MAGI2: variants seen among roughly 807,000 people sequenced by gnomAD.
MAGI2 encodes membrane associated guanylate kinase, WW and PDZ domain containing 2, also known as membrane-associated guanylate kinase, WW and PDZ domain-containing protein 2.
Under a neutral mutation model 133.3 loss-of-function variants are expected in MAGI2, and 35 were observed. The ratio of observed to expected loss-of-function variants is 0.26; its 90% confidence interval spans 0.20 to 0.35. MAGI2 has a LOEUF of 0.35. Among genes scored for constraint, MAGI2 ranks in the 10% least tolerant of loss-of-function variants. MAGI2 has a pLI of 1.00. For synonymous variants in MAGI2, 729 were observed against 710.6 expected (o/e 1.03, Z -0.41); for missense variants, 1,636 against 1,863.4 (o/e 0.88, Z 2.25).
intron 1 of MAGI2, among the ~76,000 whole-genome samples, chr7:79,356,230 G>A (rs1020341113): frequency 1.3e-5 from 2 of 152,060 alleles, no homozygotes; most frequent in African/African-American, 4.8e-5. Context: ...ATGTATTATA[G>A]AGCCAGAACT....
chr7:79,110,231 T>A (rs777427114), intron 1 of MAGI2, among the ~76,000 whole-genome samples: 2 of 151,818 alleles, frequency 1.3e-5, no homozygotes, highest in Non-Finnish European at 2.9e-5. Context: ...TAAGGCAGTG[T>A]GAAAGGAAAA....
At chr7:78,950,442 T>A (rs995412858) in intron 2 of MAGI2, among the ~76,000 whole-genome samples, 2 of 152,224 alleles carry the variant, frequency 1.3e-5, no homozygotes, top group Non-Finnish European at 2.9e-5. Context: ...TGATGTTCTT[T>A]GAAAACTCTC....
At chr7:78,116,328 A>G (rs1819864263) in intron 20 of MAGI2, among the ~76,000 whole-genome samples, 1 of 150,482 alleles carries the variant, frequency 6.6e-6, no homozygotes, top group Non-Finnish European at 1.5e-5. Flanking sequence ...AAGAAAGCCT[A>G]AGAACTACTA....
At chr7:79,013,910 T>G (rs1808429271) in intron 1 of MAGI2, among the ~76,000 whole-genome samples, 1 of 152,200 alleles carries the variant, frequency 6.6e-6, no homozygotes, top group Admixed American at 6.5e-5. Flanking sequence ...AGCTGAAAAT[T>G]TTTACTTACA....
intron 2 of MAGI2, among the ~76,000 whole-genome samples, chr7:78,866,239 T>A (rs889470635): frequency 1.1e-4 from 16 of 152,176 alleles, no homozygotes; most frequent in African/African-American, 3.9e-4. Flanking sequence ...TTGATTGATA[T>A]ACCATTGTGT....
intron 2 of MAGI2, among the ~76,000 whole-genome samples, chr7:78,762,515 A>T (rs754029502): frequency 1.3e-5 from 2 of 152,174 alleles, no homozygotes; most frequent in East Asian, 3.8e-4. Flanking sequence ...AGAAATTTTG[A>T]ATCATTTAAT....
chr7:78,075,978 C>A (rs774481533), intron 21 of MAGI2, among the ~76,000 whole-genome samples: 3 of 152,124 alleles, frequency 2.0e-5, no homozygotes, highest in African/African-American at 7.2e-5. Context: ...CTATTAAGTT[C>A]TTTCTTTTGT....
chr7:78,796,057 A>G (rs543738770), intron 2 of MAGI2, among the ~76,000 whole-genome samples: 2 of 152,242 alleles, frequency 1.3e-5, no homozygotes, highest in African/African-American at 4.8e-5. Flanking sequence ...TGGAAATGCT[A>G]CAGGTCATTG....
At position 79,058,215 on chromosome 7, in the gene MAGI2, C is replaced by T. The variant is rs144007503; in HGVS notation, c.302-51009G>A. Among the ~76,000 whole-genome samples, 257 of 152,086 alleles carry T rather than the reference C, an allele frequency of 1.7e-3. 2 individuals are homozygous for T. The East Asian group carries it at 0.019, about 11-fold the overall frequency. The stretch of plus-strand genomic sequence containing the variant: ...TTATTTTGTAGATTAGACATTGACT[C>T]CCATTAGTTCAATTTTTTTCTATGC... On this transcript the variant is annotated intron_variant, in intron 1 of 21. Transcript: ENST00000354212.
chr7:79,261,253 G>C (rs111439582), intron 1 of MAGI2, among the ~76,000 whole-genome samples: 5,344 of 152,206 alleles, frequency 0.035, 151 homozygotes, highest in Non-Finnish European at 0.05. Flanking sequence ...TTCTTCATTC[G>C]TTGTGGTTCA....
chr7:78,537,195 AC>A (rs1798031477), intron 3 of MAGI2, among the ~76,000 whole-genome samples: 1 of 151,792 alleles, frequency 6.6e-6, no homozygotes. Flanking sequence ...ACACACACAC[AC>A]ACACACACAC....
At chr7:78,887,120 T>C (rs922571170) in intron 2 of MAGI2, among the ~76,000 whole-genome samples, 2 of 152,186 alleles carry the variant, frequency 1.3e-5, no homozygotes, top group Non-Finnish European at 2.9e-5. Context: ...CTTTCCTTTG[T>C]AAATTTCCCA....
intron 6 of MAGI2, among the ~76,000 whole-genome samples, chr7:78,458,754 C>A (rs1221388010): frequency 2.0e-5 from 3 of 151,916 alleles, no homozygotes; most frequent in Non-Finnish European, 4.4e-5. Flanking sequence ...CCTGCTTCAG[C>A]CTCCCGAGTA....
At chr7:79,330,225 G>C (rs959513982) in intron 1 of MAGI2, among the ~76,000 whole-genome samples, 2 of 112,132 alleles carry the variant, frequency 1.8e-5, no homozygotes, top group South Asian at 2.9e-4. Flanking sequence ...AAGGAGTCTC[G>C]CTCTGTTCCC....
chr7:78,289,154 T>G (rs1051255957), intron 9 of MAGI2, among the ~76,000 whole-genome samples: 1 of 152,078 alleles, frequency 6.6e-6, no homozygotes, highest in Non-Finnish European at 1.5e-5. Flanking sequence ...AATAACAAAA[T>G]TCTCCAAGCT....
chr7:78,558,101 TAATA>T (rs1365904654), intron 3 of MAGI2, among the ~76,000 whole-genome samples: 3 of 152,206 alleles, frequency 2.0e-5, no homozygotes, highest in African/African-American at 7.2e-5. Context: ...GATAAATCCT[TAATA>T]TATATCAATT....
intron 3 of MAGI2, among the ~76,000 whole-genome samples, chr7:78,610,927 A>G (rs1806369531): frequency 6.6e-6 from 1 of 152,232 alleles, no homozygotes; most frequent in Admixed American, 6.5e-5. Context: ...TCTTCCAAGC[A>G]CAGACTATGT....
chr7:78,034,102 G>A (rs1369293363), intron 21 of MAGI2, among the ~76,000 whole-genome samples: 2 of 152,244 alleles, frequency 1.3e-5, no homozygotes, highest in Admixed American at 6.5e-5. Flanking sequence ...CTCTTAGGGT[G>A]AAGAAATTCT....
At chr7:78,960,679 T>C (rs1029875810) in intron 2 of MAGI2, among the ~76,000 whole-genome samples, 1 of 152,172 alleles carries the variant, frequency 6.6e-6, no homozygotes, top group Non-Finnish European at 1.5e-5. Context: ...AGGGTAAGTA[T>C]ATTATCAGTC....
Sources: allele counts gnomAD v4.1 joint callset (sites outside exome capture counted in the v4.1 genomes callset), GRCh38; gene constraint gnomAD v4.1.1; transcripts MANE v1.5; gene names NCBI Gene and HGNC (gene_info 2026-07-23, HGNC 2026-07-21).